The following KLF17 variants were observed in gnomAD, a reference collection of about 807,000 sequenced individuals.
KLF17 encodes KLF transcription factor 17, also known as Krueppel-like factor 17.
In KLF17, 31 loss-of-function variants were observed where a neutral mutation model predicts 34.2. The ratio of observed to expected loss-of-function variants is 0.91; its 90% CI spans 0.68 to 1.22. The LOEUF (loss-of-function observed/expected upper bound fraction) is 1.22, where lower values mean the gene tolerates loss of function less well. Ranked by LOEUF, KLF17 falls within the 50% of genes most tolerant of loss-of-function variation. The pLI is 0.00. For missense variants in KLF17, 478 were observed against 505.2 expected (o/e 0.95, Z 0.52); for synonymous variants, 179 against 186.7 (o/e 0.96, Z 0.34).
the KLF17 span, chr1:44,050,964 C>A: frequency 5.3e-5 from 8 of 152,158 alleles, no homozygotes; most frequent in African/African-American, 1.9e-4. Context: ...CTCTTCAATT[C>A]TTTCCCGAGC....
the KLF17 span, among the ~76,000 whole-genome samples, chr1:44,093,983 CA>C: frequency 1.3e-5 from 2 of 152,216 alleles, no homozygotes; most frequent in Admixed American, 6.5e-5. Flanking sequence ...AAACCTTGGA[CA>C]ACCTGAGTCT....
the KLF17 span, among the ~76,000 whole-genome samples, chr1:44,049,781 C>G: frequency 3.9e-5 from 6 of 152,200 alleles, no homozygotes; most frequent in Admixed American, 1.3e-4. Context: ...CCGTACCCGG[C>G]CTATGTATTG....
At chr1:44,078,630 G>A in the KLF17 span, among the ~76,000 whole-genome samples, 2 of 152,072 alleles carry the variant, frequency 1.3e-5, no homozygotes, top group African/African-American at 4.8e-5. Context: ...TAGAGACAGG[G>A]TTTCACCGTG....
At chr1:44,118,815 T>G, upstream of KLF17, 1 of 903,398 alleles carries the variant, frequency 1.1e-6, no homozygotes, top group Non-Finnish European at 1.6e-6. Flanking sequence ...AGAAGGTGAT[T>G]GTGGCGTGGC....
chr1:44,122,621 G>A (rs1293122213), intron 1 of KLF17: 1 of 657,780 alleles, frequency 1.5e-6, no homozygotes, highest in Non-Finnish European at 2.8e-6. Context: ...TTGAGATAGA[G>A]TCTCACTCTC....
chr1:44,076,381 G>C, the KLF17 span: 1 of 152,364 alleles, frequency 6.6e-6, no homozygotes. Context: ...CAATAACATT[G>C]TATTGTATCT....
At chr1:44,108,660 CTTTTTTTTTTTTTT>C in the KLF17 span, among the ~76,000 whole-genome samples, 6 of 75,334 alleles carry the variant, frequency 8.0e-5, no homozygotes, top group Admixed American at 5.8e-4. Flanking sequence ...TTTGTTAGCT[CTTTTTTTTTTTTTT>C]TTTTTTTTTT....
At chr1:44,072,065 G>A in the KLF17 span, among the ~76,000 whole-genome samples, 1 of 152,106 alleles carries the variant, frequency 6.6e-6, no homozygotes, top group Non-Finnish European at 1.5e-5. Flanking sequence ...AATGATGGAG[G>A]TGGTGAGAAT....
At chr1:44,073,370 C>G in the KLF17 span, among the ~76,000 whole-genome samples, 1 of 151,852 alleles carries the variant, frequency 6.6e-6, no homozygotes, top group African/African-American at 2.4e-5. Flanking sequence ...TCACACCTGG[C>G]TAATTTTTGT....
At chr1:44,068,423 T>A in the KLF17 span, among the ~76,000 whole-genome samples, 25 of 151,908 alleles carry the variant, frequency 1.6e-4, no homozygotes, top group African/African-American at 6.0e-4. Flanking sequence ...CAGCCAGGAG[T>A]GGGGTGAGCA....
the KLF17 span, chr1:44,045,977 AAC>A: frequency 6.6e-6 from 1 of 152,076 alleles, no homozygotes; most frequent in East Asian, 1.9e-4. Context: ...AGACCCTCCT[AAC>A]ACAATCATTG....
chr1:44,093,840 C>T, the KLF17 span, among the ~76,000 whole-genome samples: 26 of 152,324 alleles, frequency 1.7e-4, no homozygotes, highest in Non-Finnish European at 3.1e-4. Context: ...TTTCTCTCTG[C>T]GTCTGTTGTA....
the KLF17 span, among the ~76,000 whole-genome samples, chr1:44,062,353 A>G: frequency 1.3e-5 from 2 of 152,240 alleles, no homozygotes; most frequent in South Asian, 2.1e-4. Context: ...ATCTATATCT[A>G]TATCTGTCTA....
At chr1:44,072,001 C>A in the KLF17 span, among the ~76,000 whole-genome samples, 5 of 150,982 alleles carry the variant, frequency 3.3e-5, no homozygotes, top group African/African-American at 1.2e-4. Context: ...TGGGGGGGGA[C>A]GGGGGGACAA....
At chr1:44,066,296 A>T in the KLF17 span, among the ~76,000 whole-genome samples, 1 of 151,872 alleles carries the variant, frequency 6.6e-6, no homozygotes, top group African/African-American at 2.4e-5. Flanking sequence ...ACCAGCCTGG[A>T]CAACAGAGTG....
At position 44,129,984 on chromosome 1, in the gene KLF17, C is replaced by G. The variant is rs760805966; in HGVS notation, c.713C>G (p.Ser238Cys). 5 of 1,614,206 alleles carry G rather than the reference C, an allele frequency of 3.1e-6. No homozygotes were observed. In the South Asian group the frequency reaches 3.3e-5, roughly 11 times the overall value. Residue 238 changes from serine to cysteine, a missense_variant, in exon 2 of 4, where the codon TCT (serine) becomes TGT (cysteine). Coordinates refer to ENST00000372299, the MANE Select transcript of KLF17 (RefSeq NM_173484.4). ...QSLLVLGSQD[S>C]LVSQPDSQEG... ...TTGCTGGTTTTAGGATCTCAGGACT[C>G]TCTTGTCAGTCAGCCAGACTCTCAA... is the stretch of plus-strand genomic sequence containing the variant.
chr1:44,069,702 C>G, the KLF17 span, among the ~76,000 whole-genome samples: 1 of 152,204 alleles, frequency 6.6e-6, no homozygotes, highest in Non-Finnish European at 1.5e-5. The surrounding 1 kb of genome is among the most constrained non-coding windows in gnomAD (Gnocchi z 4.7). Flanking sequence ...GGGATGAACA[C>G]CTACACCATA....
the KLF17 span, among the ~76,000 whole-genome samples, chr1:44,046,918 G>A: frequency 0.057 from 8,708 of 151,736 alleles, 272 homozygotes; most frequent in Middle Eastern, 0.12. Flanking sequence ...AGCTACTCAG[G>A]AGGCTGAGGC....
At chr1:44,089,143 T>G in the KLF17 span, among the ~76,000 whole-genome samples, 1 of 152,238 alleles carries the variant, frequency 6.6e-6, no homozygotes, top group East Asian at 1.9e-4. Flanking sequence ...AGGGGTACAC[T>G]GTGTTGGGGG....
Sources: allele counts gnomAD v4.1 joint callset (sites outside exome capture counted in the v4.1 genomes callset), GRCh38; gene constraint gnomAD v4.1.1; non-coding constraint Gnocchi (gnomAD v3.1); transcripts MANE v1.5; gene names NCBI Gene and HGNC (gene_info 2026-07-23, HGNC 2026-07-21).